DENND1A: variants seen among roughly 807,000 people sequenced by gnomAD.
DENND1A encodes DENN domain-containing protein 1A.
In DENND1A, 51 loss-of-function variants were observed where a neutral mutation model predicts 113.7. That is an observed-to-expected ratio of 0.45 (90% CI 0.36 to 0.57). The LOEUF is 0.57. Among genes scored for constraint, DENND1A ranks in the 20% least tolerant of loss-of-function variants. DENND1A has a pLI of 0.00. For synonymous variants in DENND1A, 565 were observed against 570.8 expected, an observed-to-expected ratio of 0.99 and a Z score of 0.14; for missense variants, 1,258 against 1,395.9, an observed-to-expected ratio of 0.90 and a Z score of 1.57.
chr9:123,650,713 C>G (rs905127360), intron 9 of DENND1A, among the ~76,000 whole-genome samples: 1 of 151,880 alleles, frequency 6.6e-6, no homozygotes, highest in Non-Finnish European at 1.5e-5. Flanking sequence ...TCGAGACCAG[C>G]CTGGTCAACA....
intron 5 of DENND1A, among the ~76,000 whole-genome samples, chr9:123,746,602 G>C (rs1418802811): frequency 6.6e-6 from 1 of 152,100 alleles, no homozygotes; most frequent in East Asian, 1.9e-4. Context: ...CATCATGTTG[G>C]TGCTCAAAAA....
intron 12 of DENND1A, among the ~76,000 whole-genome samples, chr9:123,575,783 G>GC (rs1219749847): frequency 6.6e-6 from 1 of 152,064 alleles, no homozygotes; most frequent in Non-Finnish European, 1.5e-5. Context: ...TTGTTTCTCT[G>GC]CCCCCCAACT....
intron 13 of DENND1A, among the ~76,000 whole-genome samples, chr9:123,487,994 A>T (rs2051038013): frequency 6.6e-6 from 1 of 152,298 alleles, no homozygotes; most frequent in African/African-American, 2.4e-5. Context: ...TCCTTCCCGG[A>T]ACCAGCGGCA....
intron 11 of DENND1A, among the ~76,000 whole-genome samples, chr9:123,593,139 T>C (rs183011583): frequency 2.0e-5 from 3 of 152,260 alleles, no homozygotes; most frequent in Non-Finnish European, 2.9e-5. Flanking sequence ...AGCTGCAACA[T>C]TGTTGGGGTC....
intron 1 of DENND1A, among the ~76,000 whole-genome samples, chr9:123,914,715 G>A (rs1854765335): frequency 6.6e-6 from 1 of 151,770 alleles, no homozygotes; most frequent in African/African-American, 2.4e-5. Context: ...GTCACATAGT[G>A]AGAGTGAAAC....
chr9:123,694,635 T>C (rs910199112), intron 5 of DENND1A, among the ~76,000 whole-genome samples: 1 of 152,224 alleles, frequency 6.6e-6, no homozygotes, highest in Non-Finnish European at 1.5e-5. Context: ...GAATGTATAG[T>C]AGTGCAGTCG....
chr9:123,895,278 G>GT (rs947216225), intron 1 of DENND1A, among the ~76,000 whole-genome samples: 1 of 151,930 alleles, frequency 6.6e-6, no homozygotes, highest in African/African-American at 2.4e-5. Flanking sequence ...ATAAATAATG[G>GT]TTTTTTTCCA....
At chr9:123,719,613 A>T (rs2067205381) in intron 5 of DENND1A, among the ~76,000 whole-genome samples, 1 of 152,100 alleles carries the variant, frequency 6.6e-6, no homozygotes, top group African/African-American at 2.4e-5. Context: ...GCCTGGGACC[A>T]GAAGTGTTAA....
At chr9:123,691,330 C>T (rs1198523549) in intron 5 of DENND1A, among the ~76,000 whole-genome samples, 1 of 152,132 alleles carries the variant, frequency 6.6e-6, no homozygotes, top group African/African-American at 2.4e-5. Flanking sequence ...TGCTGCAACA[C>T]AGGTGGGCAA....
intron 2 of DENND1A, among the ~76,000 whole-genome samples, chr9:123,842,285 C>T (rs992213221): frequency 7.2e-5 from 11 of 152,256 alleles, no homozygotes; most frequent in African/African-American, 2.6e-4. Context: ...AGAGAAAAGA[C>T]ATTTCAGACA....
chr9:123,777,295 G>A (rs992120493), intron 3 of DENND1A, among the ~76,000 whole-genome samples: 6 of 152,206 alleles, frequency 3.9e-5, no homozygotes, highest in African/African-American at 1.4e-4. Context: ...TCAGGGCCAC[G>A]CTGCTTGTTT....
rs1166454557 is a variant in DENND1A at position 123,874,941 on chromosome 9, G to T, written c.88+4010C>A. ...TGTGCCAGGATTCATACGTAGGAAAGGTCACAGTAGCATGGCTTATAGTAG... is the reference window on the plus strand; with the variant it reads ...TGTGCCAGGATTCATACGTAGGAAATGTCACAGTAGCATGGCTTATAGTAG... On this transcript the variant is annotated intron_variant, in intron 2 of 23. Coordinates refer to ENST00000394215, the MANE Select transcript of DENND1A (RefSeq NM_001352964.2). Among the ~76,000 whole-genome samples the T allele has an allele frequency of 2.0e-5, 3 of 152,148 alleles. No homozygotes were observed. The East Asian group carries it at 5.8e-4, about 29-fold the overall frequency.
intron 13 of DENND1A, among the ~76,000 whole-genome samples, chr9:123,536,466 CAAAAA>C (rs549789129): frequency 1.1e-5 from 1 of 91,782 alleles, no homozygotes; most frequent in Non-Finnish European, 2.4e-5. Context: ...ACTCTGTCTC[CAAAAA>C]AAAAAAAAAA....
intron 13 of DENND1A, among the ~76,000 whole-genome samples, chr9:123,460,370 G>A (rs964276061): frequency 3.9e-5 from 6 of 152,088 alleles, no homozygotes; most frequent in Non-Finnish European, 7.4e-5. Context: ...TCTCTCTCCA[G>A]GTGATCTCAT....
chr9:123,885,719 ATC>A (rs1237326008), intron 1 of DENND1A, among the ~76,000 whole-genome samples: 1 of 152,134 alleles, frequency 6.6e-6, no homozygotes, highest in Non-Finnish European at 1.5e-5. Flanking sequence ...TCTATTCAAG[ATC>A]TCTCTGCTGA....
intron 8 of DENND1A, among the ~76,000 whole-genome samples, chr9:123,659,433 C>A (rs998787933): frequency 6.6e-6 from 1 of 152,146 alleles, no homozygotes; most frequent in South Asian, 2.1e-4. Context: ...GAATTAATCT[C>A]CATAACCATG....
intron 13 of DENND1A, among the ~76,000 whole-genome samples, chr9:123,552,141 A>G (rs1466304774): frequency 1.3e-5 from 2 of 151,754 alleles, no homozygotes; most frequent in South Asian, 2.1e-4. Context: ...GCAGAGGAGG[A>G]GATGCCCACC....
At chr9:123,436,049 C>T (rs2046491234) in intron 19 of DENND1A, among the ~76,000 whole-genome samples, 1 of 152,188 alleles carries the variant, frequency 6.6e-6, no homozygotes, top group Non-Finnish European at 1.5e-5. Flanking sequence ...CCAAGGGGTG[C>T]CCAGGGCTGC....
intron 11 of DENND1A, among the ~76,000 whole-genome samples, chr9:123,590,888 C>G (rs565164024): frequency 6.6e-6 from 1 of 152,092 alleles, no homozygotes; most frequent in African/African-American, 2.4e-5. Context: ...TAAGAGTGTG[C>G]GAACAATGGT....
Sources: gnomAD v4.1 joint callset for allele counts (sites outside exome capture counted in the v4.1 genomes callset) on GRCh38, gnomAD v4.1.1 for gene constraint, MANE v1.5 for transcripts, NCBI Gene and HGNC (gene_info 2026-07-23, HGNC 2026-07-21) for gene names.